The following EFCC1 variants were observed in gnomAD, a reference collection of about 807,000 sequenced individuals.
The protein encoded by EFCC1 is EF-hand and coiled-coil domain containing 1, also known as EF-hand and coiled-coil domain-containing protein 1.
A neutral mutation model predicts 52.1 loss-of-function variants in EFCC1; 50 were observed. That is an observed-to-expected ratio of 0.96 (90% CI 0.76 to 1.21). The LOEUF (loss-of-function observed/expected upper bound fraction) is 1.21. EFCC1 is among the 50% of genes most tolerant of loss of function. The pLI is 0.00. For missense variants in EFCC1, 837 were observed against 867.3 expected (o/e 0.97, Z 0.44); for synonymous variants, 399 against 396.5 (o/e 1.01, Z -0.08).
At chr3:129,025,258 C>CA (rs1425304829) in intron 2 of EFCC1, among the ~76,000 whole-genome samples, 1 of 152,112 alleles carries the variant, frequency 6.6e-6, no homozygotes, top group African/African-American at 2.4e-5. Flanking sequence ...AAGAGGTCCT[C>CA]AGAGGGCATC....
intron 2 of EFCC1, among the ~76,000 whole-genome samples, chr3:129,027,973 A>G (rs1946174510): frequency 6.6e-6 from 1 of 152,176 alleles, no homozygotes; most frequent in Non-Finnish European, 1.5e-5. Flanking sequence ...ATAATAAAAT[A>G]AAAATAAAAT....
rs1423634610 is a variant in EFCC1 at position 129,039,790 on chromosome 3, C to T, written c.1742C>T (p.Pro581Leu). Residue 581 changes from proline (P) to leucine (L), a missense_variant, in exon 8 of 8, where the codon CCC becomes CTC. Transcript: ENST00000683648. The part of the protein sequence containing the change: ...LAACQLLRRQ[P>L]SAPASAAAAL... ...GCCTGCCAGCTGTTGCGGAGACAGC[C>T]CTCGGCACCAGCCTCTGCAGCAGCT... 3.7e-6 allele frequency: 6 copies of T among 1,612,446 alleles called. No individual in the cohort carries two copies. Among genetic ancestry groups the T allele is most frequent in the Non-Finnish European group, 5.1e-6 (6 of 1,179,094 alleles).
chr3:129,006,429 G>T (rs1042311981), intron 2 of EFCC1, among the ~76,000 whole-genome samples: 5 of 152,208 alleles, frequency 3.3e-5, no homozygotes, highest in Admixed American at 6.5e-5. Context: ...AGATTCTCCT[G>T]CCTCAGCCTC....
At chr3:129,027,722 G>A (rs1273138504) in intron 2 of EFCC1, among the ~76,000 whole-genome samples, 1 of 152,132 alleles carries the variant, frequency 6.6e-6, no homozygotes, top group Non-Finnish European at 1.5e-5. Flanking sequence ...TTCTGGGGCC[G>A]AGGCGGGCGG....
At chr3:129,031,101 C>T (rs928263625) in intron 3 of EFCC1, among the ~76,000 whole-genome samples, 1 of 152,158 alleles carries the variant, frequency 6.6e-6, no homozygotes, top group East Asian at 1.9e-4. Flanking sequence ...CTGAGATGTT[C>T]CCAAACTTGC....
At chr3:129,026,168 C>T (rs1295088361) in intron 2 of EFCC1, among the ~76,000 whole-genome samples, 3 of 152,194 alleles carry the variant, frequency 2.0e-5, no homozygotes, top group African/African-American at 4.8e-5. Context: ...TTGGTATTGT[C>T]GTTGCTGTCC....
chr3:129,025,949 C>T (rs567735648), intron 2 of EFCC1, among the ~76,000 whole-genome samples: 2 of 152,248 alleles, frequency 1.3e-5, no homozygotes, highest in Non-Finnish European at 2.9e-5. Flanking sequence ...TCCAAGCTTC[C>T]CTTGTGCCTG....
intron 2 of EFCC1, among the ~76,000 whole-genome samples, chr3:129,019,254 A>T (rs952448981): frequency 6.6e-6 from 1 of 152,032 alleles, no homozygotes; most frequent in African/African-American, 2.4e-5. Flanking sequence ...TTTTGTTTTA[A>T]TTGTATCTTT....
rs1181677872 is a variant in EFCC1, at chr3:129,014,819, G to A, written c.980+10742G>A. ...TGCACTGCCTGCACGGGGACGAGCA[G>A]GTTGGAGCCAGCCTGGATGCCGAGG... is the stretch of plus-strand genomic sequence containing the variant. On this transcript the variant is annotated intron_variant, in intron 2 of 7. Transcript: ENST00000683648. The surrounding 1 kb of genome is among the most constrained non-coding windows in gnomAD (Gnocchi z 4.3). Among the ~76,000 whole-genome samples, 1 of 152,202 alleles carries A rather than the reference G, an allele frequency of 6.6e-6. No homozygotes were observed. The highest frequency in any genetic ancestry group is 2.4e-5 in the African/African-American group (1 of 41,440).
intron 3 of EFCC1, among the ~76,000 whole-genome samples, chr3:129,031,182 C>T (rs1946265415): frequency 6.6e-6 from 1 of 152,198 alleles, no homozygotes; most frequent in Non-Finnish European, 1.5e-5. Context: ...GTGATCCCAG[C>T]ACTTTGAGAG....
rs762406152 is a variant in EFCC1 at position 129,039,851 on chromosome 3, T to C, written c.*3T>C. Reference sequence around the variant, plus strand: ...ACCCCCTCCTCGTCTCCTGCTGAGGTTACTGGCCCACCCTGTGGGCACCCT... The same window carrying C: ...ACCCCCTCCTCGTCTCCTGCTGAGGCTACTGGCCCACCCTGTGGGCACCCT... On this transcript the variant is annotated 3_prime_UTR_variant, in exon 8 of 8. Transcript: ENST00000683648. 6.3e-7 allele frequency: 1 copy of C among 1,598,996 alleles called. No homozygotes were observed. Among genetic ancestry groups the C allele is most frequent in the Non-Finnish European group, 8.5e-7 (1 of 1,169,816 alleles).
At chr3:129,006,875 C>T (rs1416069343) in intron 2 of EFCC1, among the ~76,000 whole-genome samples, 1 of 152,006 alleles carries the variant, frequency 6.6e-6, no homozygotes, top group African/African-American at 2.4e-5. Flanking sequence ...ACTGACCTGC[C>T]CCAAAGCTCT....
In EFCC1 at chr3:129,002,127, A is replaced by G; in HGVS notation, c.499A>G (p.Ser167Gly). 6.8e-7 allele frequency: 1 copy of G among 1,475,910 alleles called. No individual in the cohort carries two copies. The highest frequency in any genetic ancestry group is 8.9e-7 in the Non-Finnish European group (1 of 1,120,620). The allele number at this position is 1,475,910 out of a possible 1,614,324, so 91.4% of individuals were successfully genotyped here. ...AGPRLPRGAL[S>G]EHIETQIRLR... The stretch of plus-strand genomic sequence containing the variant: ...GCCCCGGCTGCCCCGCGGCGCTCTC[A>G]GCGAGCACATCGAGACGCAGATCCG... Residue 167 changes from serine to glycine, a missense_variant, in exon 1 of 8, where the codon AGC (serine) becomes GGC (glycine). Ser to Gly is a moderately conservative substitution (Grantham distance 56). Transcript: ENST00000683648.
In EFCC1 at chr3:129,001,549, A is replaced by T; in HGVS notation, c.-80A>T. 7 of 1,341,406 alleles carry T rather than the reference A, an allele frequency of 5.2e-6. No individual in the cohort carries two copies. Among genetic ancestry groups the T allele is most frequent in the Non-Finnish European group, 6.7e-6 (7 of 1,052,362 alleles). 83.1% of individuals were successfully genotyped at this position (1,341,406 alleles called of 1,614,324 possible). A position where few individuals can be genotyped will look rare whatever the true frequency, so the allele number is the denominator to read the frequency against. ...CGACCGCTAAGCCCCTCCTTTCGAG[A>T]AACTCTGGGGCCGCCCCTGGAAGTG... is the stretch of plus-strand genomic sequence containing the variant. On this transcript the variant is annotated 5_prime_UTR_variant, in exon 1 of 8. Transcript: ENST00000683648.
At position 129,037,002 on chromosome 3, in the gene EFCC1, A is replaced by G; in HGVS notation, c.1478A>G (p.Glu493Gly). The G allele has an allele frequency of 1.2e-6, 2 of 1,613,990 alleles. No individual in the cohort carries two copies. The highest frequency in any genetic ancestry group is 2.2e-5 in the South Asian group (2 of 91,078). The change falls in exon 6 of 8, where the codon GAG becomes GGG. Residue 493 changes from glutamate (E) to glycine (G), a missense_variant. Physicochemically the swap from Glu to Gly is moderately conservative, Grantham distance 98. Coordinates refer to ENST00000683648, the MANE Select transcript of EFCC1 (RefSeq NM_001377500.1). ...GCAGAGTTGCAGCAGAAGGTGGAAG[A>G]GAATGAGCACCTGAGGCTGGAGCTG... ...EEAELQQKVE[E>G]NEHLRLELQM...
intron 2 of EFCC1, among the ~76,000 whole-genome samples, chr3:129,024,222 G>C (rs1030546903): frequency 6.6e-6 from 1 of 152,038 alleles, no homozygotes; most frequent in Non-Finnish European, 1.5e-5. Context: ...CCACAGACTG[G>C]GTAATTTATA....
intron 2 of EFCC1, among the ~76,000 whole-genome samples, chr3:129,025,498 C>G (rs1946067200): frequency 6.6e-6 from 1 of 152,166 alleles, no homozygotes; most frequent in Non-Finnish European, 1.5e-5. Flanking sequence ...TGACGGGGAC[C>G]AAGACATGAT....
intron 7 of EFCC1, 49 bp downstream of exon 7, chr3:129,038,949 G>A (rs1031434779): frequency 1.3e-6 from 2 of 1,507,996 alleles, no homozygotes; most frequent in Non-Finnish European, 9.2e-7. Flanking sequence ...GCTGGAGGGT[G>A]TCCTGAGGAG....
At chr3:129,009,002 T>C (rs923545935) in intron 2 of EFCC1, among the ~76,000 whole-genome samples, 1 of 131,166 alleles carries the variant, frequency 7.6e-6, no homozygotes, top group Non-Finnish European at 1.6e-5. Flanking sequence ...TTACTGATTA[T>C]TGGCGGGGTG....
Sources: allele counts gnomAD v4.1 joint callset (sites outside exome capture counted in the v4.1 genomes callset), GRCh38; gene constraint gnomAD v4.1.1; non-coding constraint Gnocchi (gnomAD v3.1); transcripts MANE v1.5; gene names NCBI Gene and HGNC (gene_info 2026-07-23, HGNC 2026-07-21).